IGF2BP2: variants seen among roughly 807,000 people sequenced by gnomAD.
IGF2BP2 encodes the protein insulin like growth factor 2 mRNA binding protein 2, also known as insulin-like growth factor 2 mRNA-binding protein 2.
A neutral mutation model predicts 75.8 loss-of-function variants in IGF2BP2; 17 were observed. The observed-to-expected ratio is 0.22, with a 90% confidence interval of 0.15 to 0.34. The LOEUF is 0.34. Ranked by LOEUF, IGF2BP2 falls within the 10% of genes least tolerant of loss-of-function variation. The pLI is 1.00. For missense variants in IGF2BP2, 516 were observed against 772.4 expected, an observed-to-expected ratio of 0.67 and a Z score of 3.93; for synonymous variants, 288 against 295.6, an observed-to-expected ratio of 0.97 and a Z score of 0.26.
chr3:185,698,288 C>T lies in IGF2BP2; in HGVS notation c.288+11G>A, dbSNP rs1055197554. On this transcript the variant is annotated intron_variant, in intron 3 of 15. Transcript: ENST00000382199. ...GTCTCATCAACCCATTAAAAATTGA[C>T]ACTGGCTTACCTCCCACTGCAGGTG... The T allele has an allele frequency of 5.6e-6, 9 of 1,612,464 alleles. No homozygotes were observed. In the East Asian group the frequency reaches 1.8e-4, roughly 32 times the overall value.
At chr3:185,778,204 G>A (rs1179099545) in intron 2 of IGF2BP2, among the ~76,000 whole-genome samples, 3 of 152,084 alleles carry the variant, frequency 2.0e-5, no homozygotes, top group African/African-American at 7.3e-5. Context: ...TGGCAGCTCA[G>A]GGCACAAGGC....
chr3:185,720,203 T>C (rs950539308), intron 2 of IGF2BP2, among the ~76,000 whole-genome samples: 1 of 152,198 alleles, frequency 6.6e-6, no homozygotes, highest in Admixed American at 6.5e-5. Flanking sequence ...GTGAGAGCAC[T>C]AGAATAACAG....
intron 2 of IGF2BP2, among the ~76,000 whole-genome samples, chr3:185,772,023 C>T (rs1317922779): frequency 6.6e-6 from 1 of 152,124 alleles, no homozygotes; most frequent in East Asian, 1.9e-4. Flanking sequence ...ACAGCAACTC[C>T]TTTTGCTTAA....
At chr3:185,655,477 C>A (rs1390036869) in intron 12 of IGF2BP2, among the ~76,000 whole-genome samples, 2 of 152,228 alleles carry the variant, frequency 1.3e-5, no homozygotes, top group African/African-American at 4.8e-5. Flanking sequence ...TATTTGGCCT[C>A]CCTGGTTTAT....
chr3:185,700,366 A>G (rs955903251), intron 2 of IGF2BP2, among the ~76,000 whole-genome samples: 1 of 152,160 alleles, frequency 6.6e-6, no homozygotes, highest in Non-Finnish European at 1.5e-5. Flanking sequence ...ATCTTTTTTT[A>G]AATATTAATG....
At chr3:185,808,156 C>G (rs796817497) in intron 2 of IGF2BP2, among the ~76,000 whole-genome samples, 88 of 146,548 alleles carry the variant, frequency 6.0e-4, no homozygotes, top group East Asian at 1.4e-3. Context: ...AAGAAAGAAA[C>G]AAACAAACAA....
chr3:185,748,479 T>C (rs1178897095), intron 2 of IGF2BP2, among the ~76,000 whole-genome samples: 5 of 152,206 alleles, frequency 3.3e-5, no homozygotes, highest in Admixed American at 6.5e-5. Context: ...CCTCCAGTAA[T>C]AGGTTACATA....
intron 2 of IGF2BP2, among the ~76,000 whole-genome samples, chr3:185,783,056 A>G (rs1735407520): frequency 6.6e-6 from 1 of 152,234 alleles, no homozygotes; most frequent in South Asian, 2.1e-4. Flanking sequence ...TAATTCCACT[A>G]AAGTGTCATG....
At chr3:185,669,586 A>G (rs1311704997) in intron 10 of IGF2BP2, among the ~76,000 whole-genome samples, 1 of 149,172 alleles carries the variant, frequency 6.7e-6, no homozygotes, top group Non-Finnish European at 1.5e-5. Context: ...GGGGGGGGGT[A>G]AAGTTTTCCT....
At chr3:185,751,375 C>T (rs13073866) in intron 2 of IGF2BP2, among the ~76,000 whole-genome samples, 10,298 of 150,222 alleles carry the variant, frequency 0.069, 484 homozygotes, top group Non-Finnish European at 0.095. Flanking sequence ...GTCGGGAGTT[C>T]GAGACCAGCC....
At chr3:185,793,897 T>C (rs184639864) in intron 2 of IGF2BP2, among the ~76,000 whole-genome samples, 3 of 151,846 alleles carry the variant, frequency 2.0e-5, no homozygotes, top group East Asian at 1.9e-4. Flanking sequence ...GGACAGTAGA[T>C]TGAAGATACT....
intron 2 of IGF2BP2, among the ~76,000 whole-genome samples, chr3:185,776,006 G>A (rs1334702581): frequency 6.6e-6 from 1 of 152,208 alleles, no homozygotes; most frequent in Non-Finnish European, 1.5e-5. Context: ...CACTTTGGGT[G>A]GCCAAGGCGG....
At chr3:185,699,579 C>G (rs1281780658) in intron 2 of IGF2BP2, among the ~76,000 whole-genome samples, 1 of 152,214 alleles carries the variant, frequency 6.6e-6, no homozygotes, top group Non-Finnish European at 1.5e-5. Context: ...TTTGCGTATC[C>G]TTCAGATTCT....
At chr3:185,811,802 T>C (rs1256959903) in intron 2 of IGF2BP2, among the ~76,000 whole-genome samples, 2 of 149,616 alleles carry the variant, frequency 1.3e-5, no homozygotes, top group Non-Finnish European at 3.0e-5. Context: ...ATGGAGCACA[T>C]GGCAGGGGAC....
At chr3:185,677,338 C>T (rs930636604) in intron 7 of IGF2BP2, among the ~76,000 whole-genome samples, 2 of 151,700 alleles carry the variant, frequency 1.3e-5, no homozygotes, top group Non-Finnish European at 2.9e-5. Flanking sequence ...CATTAGAGTT[C>T]AGAAGCTGCT....
intron 2 of IGF2BP2, among the ~76,000 whole-genome samples, chr3:185,762,245 T>C (rs1732466251): frequency 6.8e-6 from 1 of 147,768 alleles, no homozygotes. Flanking sequence ...ATACAAAAAT[T>C]AGCCAGGCAC....
chr3:185,734,944 G>T (rs1728661438), intron 2 of IGF2BP2, among the ~76,000 whole-genome samples: 1 of 152,146 alleles, frequency 6.6e-6, no homozygotes, highest in Admixed American at 6.5e-5. Flanking sequence ...AAGAGCAGCA[G>T]CTCCCTCACA....
rs1419461980 is a variant in IGF2BP2 at position 185,649,524 on chromosome 3, C to T, written c.1472G>A (p.Arg491Gln). ...TTCCTCTTTCAGTTTCCCAAAGATCCGTCCCTGGGCCTGAGAGAGCAAGAC... is the reference window on the plus strand; with the variant it reads ...TTCCTCTTTCAGTTTCCCAAAGATCTGTCCCTGGGCCTGAGAGAGCAAGAC... ...PPEAQFKAQG[R>Q]IFGKLKEENF... Residue 491 changes from arginine to glutamine, a missense_variant, in exon 14 of 16, where the codon CGG becomes CAG. Coordinates refer to ENST00000382199, the MANE Select transcript of IGF2BP2 (RefSeq NM_006548.6). 12 of 1,614,102 alleles carry T rather than the reference C, an allele frequency of 7.4e-6. No individual in the cohort carries two copies. The highest frequency in any genetic ancestry group is 1.0e-5 in the Non-Finnish European group (12 of 1,179,998).
intron 10 of IGF2BP2, among the ~76,000 whole-genome samples, chr3:185,667,254 G>A (rs1329443952): frequency 7.5e-6 from 1 of 133,852 alleles, no homozygotes; most frequent in East Asian, 1.9e-4. Context: ...TATAAGTCAA[G>A]ATAAATTCTC....
Sources: allele counts gnomAD v4.1 joint callset (sites outside exome capture counted in the v4.1 genomes callset), GRCh38; gene constraint gnomAD v4.1.1; transcripts MANE v1.5; gene names NCBI Gene and HGNC (gene_info 2026-07-23, HGNC 2026-07-21).